Variants in GIGYF2 observed in about 807,000 individuals in gnomAD.
GIGYF2 encodes GRB10 interacting GYF protein 2.
Under a neutral mutation model 208.1 loss-of-function variants are expected in GIGYF2, and 25 were observed. The observed-to-expected ratio is 0.12, with a 90% confidence interval of 0.09 to 0.17. The LOEUF (loss-of-function observed/expected upper bound fraction) is 0.17, where lower values mean the gene tolerates loss of function less well. Among genes scored for constraint, GIGYF2 ranks in the 10% least tolerant of loss-of-function variants. The pLI is 1.00. For missense variants in GIGYF2, 1,302 were observed against 1,579.4 expected (o/e 0.82, Z 2.98); for synonymous variants, 534 against 543.8 (o/e 0.98, Z 0.25).
chr2:232,846,900 A>C (rs934457451), intron 26 of GIGYF2, among the ~76,000 whole-genome samples: 1 of 152,244 alleles, frequency 6.6e-6, no homozygotes, highest in Non-Finnish European at 1.5e-5. Context: ...CTTTTCTCCT[A>C]TACCACACAC....
At chr2:232,793,142 G>T (rs1700121325) in intron 12 of GIGYF2, among the ~76,000 whole-genome samples, 1 of 152,166 alleles carries the variant, frequency 6.6e-6, no homozygotes, top group Admixed American at 6.5e-5. Context: ...ACTGATCCAG[G>T]CTTGGGCAGG....
At chr2:232,739,084 C>T (rs955794983) in intron 3 of GIGYF2, among the ~76,000 whole-genome samples, 1 of 151,998 alleles carries the variant, frequency 6.6e-6, no homozygotes, top group Non-Finnish European at 1.5e-5. Context: ...ATGGGCTGGG[C>T]GTGGTGGCTC....
Position 232,824,550 on chromosome 2 carries a change from G to A in GIGYF2, c.2529+4565G>A, listed in dbSNP as rs1236853102. ...TTCAATTCTGTGAAAGCCGAGAGAG[G>A]TGATGAAGCTGAAGAAGAAAAGTTT... On this transcript the variant is annotated intron_variant, in intron 21 of 28. Transcript: ENST00000373563. Among the ~76,000 whole-genome samples, 22 of 152,176 alleles carry A rather than the reference G, an allele frequency of 1.4e-4. 1 individual carries two copies. Among genetic ancestry groups the A allele is most frequent in the Admixed American group, 1.4e-3 (22 of 15,284 alleles).
At chr2:232,815,222 TG>T (rs1031096397) in intron 18 of GIGYF2, among the ~76,000 whole-genome samples, 2 of 106,904 alleles carry the variant, frequency 1.9e-5, no homozygotes, top group African/African-American at 2.7e-5. Context: ...TGGTGTGCAG[TG>T]AGAGGCTGTA....
intron 23 of GIGYF2, among the ~76,000 whole-genome samples, chr2:232,843,506 T>G (rs1701891879): frequency 6.8e-6 from 1 of 146,934 alleles, no homozygotes; most frequent in Non-Finnish European, 1.5e-5. Flanking sequence ...GAGGTTGCAG[T>G]GAGCTGAGAT....
chr2:232,842,084 C>A (rs1701833590), intron 23 of GIGYF2, among the ~76,000 whole-genome samples: 2 of 152,108 alleles, frequency 1.3e-5, no homozygotes, highest in African/African-American at 4.8e-5. Context: ...AAGCGATCTT[C>A]CCACCTTGGC....
At chr2:232,729,655 G>T (rs1195254781) in intron 2 of GIGYF2, 3 of 991,046 alleles carry the variant, frequency 3.0e-6, no homozygotes, top group Non-Finnish European at 4.7e-6. Context: ...TCTTAATTCT[G>T]TATCCCACTT....
At chr2:232,768,420 C>T in intron 8 of GIGYF2, 2 of 1,614,176 alleles carry the variant, frequency 1.2e-6, no homozygotes, top group African/African-American at 1.3e-5. Context: ...GTAGGATGTC[C>T]TCCTTTGGCA....
intron 21 of GIGYF2, among the ~76,000 whole-genome samples, chr2:232,824,625 A>G (rs775821004): frequency 6.6e-6 from 1 of 152,274 alleles, no homozygotes; most frequent in Non-Finnish European, 1.5e-5. Flanking sequence ...AGCCATTTCC[A>G]TAAAATAAAA....
intron 22 of GIGYF2, among the ~76,000 whole-genome samples, chr2:232,837,836 G>C (rs1257464533): frequency 6.6e-6 from 1 of 152,200 alleles, no homozygotes. Context: ...TCCTCATGCT[G>C]TCATTCCGAC....
intron 22 of GIGYF2, among the ~76,000 whole-genome samples, chr2:232,838,529 A>T (rs533970721): frequency 6.6e-6 from 1 of 152,254 alleles, no homozygotes; most frequent in Non-Finnish European, 1.5e-5. Flanking sequence ...ATCTACTGTG[A>T]TTTTAGACAA....
intron 17 of GIGYF2, 75 bp downstream of exon 17, chr2:232,811,426 G>T: frequency 3.4e-6 from 3 of 885,850 alleles, no homozygotes; most frequent in South Asian, 2.7e-5. Flanking sequence ...AGAAATTCTG[G>T]TATAGTGTGT....
At chr2:232,809,238 C>T (rs996028792) in intron 15 of GIGYF2, among the ~76,000 whole-genome samples, 3 of 152,176 alleles carry the variant, frequency 2.0e-5, no homozygotes, top group African/African-American at 4.8e-5. Context: ...CCACCACGCC[C>T]GGCCTCTTTT....
intron 5 of GIGYF2, among the ~76,000 whole-genome samples, chr2:232,753,002 T>C (rs1287035903): frequency 6.6e-6 from 1 of 152,212 alleles, no homozygotes; most frequent in Non-Finnish European, 1.5e-5. Context: ...GGGGTGCTTA[T>C]GGTGTCTACA....
chr2:232,733,941 G>A (rs1354379743), intron 2 of GIGYF2, among the ~76,000 whole-genome samples: 1 of 152,028 alleles, frequency 6.6e-6, no homozygotes, highest in Non-Finnish European at 1.5e-5. Flanking sequence ...CATGGATATG[G>A]AGGGCCAGTT....
chr2:232,806,946 C>T lies in GIGYF2; in HGVS notation c.1806+289C>T, dbSNP rs958839348. 3.3e-5 allele frequency among the ~76,000 whole-genome samples: 5 copies of T among 152,156 alleles called. No homozygotes were observed. Among genetic ancestry groups the T allele is most frequent in the African/African-American group, 1.2e-4 (5 of 41,444 alleles). ...TGTAGAATGAAGACCAACATCTTATCCTGGCCTACCTACGAGGTCCTGCAA... is the reference window on the plus strand; with the variant it reads ...TGTAGAATGAAGACCAACATCTTATTCTGGCCTACCTACGAGGTCCTGCAA... On this transcript the variant is annotated intron_variant, in intron 15 of 28. Transcript: ENST00000373563. This position sits in a 1 kb window ranked among gnomAD's most constrained non-coding sequence, Gnocchi z 4.0.
At position 232,806,742 on chromosome 2, in the gene GIGYF2, C is replaced by G. The variant is rs1700573876; in HGVS notation, c.1806+85C>G. On this transcript the variant is annotated intron_variant, in intron 15 of 28. Transcript: ENST00000373563. The surrounding 1 kb of genome is among the most constrained non-coding windows in gnomAD (Gnocchi z 4.0). ...TGAAAACACAACCCAAATATATCATCTAATGAAGGAATTGTAGTTCTTTGA... is the reference window on the plus strand; with the variant it reads ...TGAAAACACAACCCAAATATATCATGTAATGAAGGAATTGTAGTTCTTTGA... The G allele has an allele frequency of 1.1e-6, 1 of 923,270 alleles. No individual in the cohort carries two copies. The highest frequency in any genetic ancestry group is 1.7e-5 in the Admixed American group (1 of 59,122). 57.2% of individuals were successfully genotyped at this position (923,270 alleles called of 1,614,324 possible).
chr2:232,785,469 C>T (rs930409778), intron 8 of GIGYF2, among the ~76,000 whole-genome samples: 3 of 152,170 alleles, frequency 2.0e-5, no homozygotes, highest in Non-Finnish European at 4.4e-5. Context: ...AGCTTCTCCA[C>T]GAGGTCTGTG....
intron 18 of GIGYF2, among the ~76,000 whole-genome samples, chr2:232,814,128 C>T (rs958932657): frequency 1.2e-4 from 18 of 151,856 alleles, no homozygotes; most frequent in Non-Finnish European, 1.3e-4. Flanking sequence ...TCAAGTGATC[C>T]GCCTGCCTCT....
Sources: gnomAD v4.1 joint callset for allele counts (sites outside exome capture counted in the v4.1 genomes callset) on GRCh38, gnomAD v4.1.1 for gene constraint, Gnocchi (gnomAD v3.1) non-coding constraint, MANE v1.5 for transcripts, NCBI Gene and HGNC (gene_info 2026-07-23, HGNC 2026-07-21) for gene names.